GNA14: variants seen among roughly 807,000 people sequenced by gnomAD.
GNA14 encodes G protein subunit alpha 14.
In GNA14, 50 loss-of-function variants were observed where a neutral mutation model predicts 42.0. That is an observed-to-expected ratio of 1.19 (90% CI 0.95 to 1.51). The LOEUF (loss-of-function observed/expected upper bound fraction) is 1.51. Among genes scored for constraint, GNA14 ranks in the 40% most tolerant of loss-of-function variants. The probability of loss-of-function intolerance (pLI) is 0.00; values close to 1 mark genes in which losing one functional copy is unlikely to be tolerated. For synonymous variants in GNA14, 173 were observed against 163.1 expected (o/e 1.06, Z -0.46); for missense variants, 473 against 446.2 (o/e 1.06, Z -0.54).
At chr9:77,622,852 C>T (rs1000696944) in intron 1 of GNA14, among the ~76,000 whole-genome samples, 9 of 149,562 alleles carry the variant, frequency 6.0e-5, no homozygotes, top group African/African-American at 2.2e-4. Flanking sequence ...TGAGATAGAA[C>T]CACTACACTC....
chr9:77,618,948 T>A (rs1823878633), intron 1 of GNA14, among the ~76,000 whole-genome samples: 1 of 151,830 alleles, frequency 6.6e-6, no homozygotes, highest in South Asian at 2.1e-4. Context: ...TATATTTAAA[T>A]AATATACTTA....
chr9:77,591,130 A>G (rs1416582452), intron 1 of GNA14, among the ~76,000 whole-genome samples: 1 of 152,192 alleles, frequency 6.6e-6, no homozygotes, highest in Non-Finnish European at 1.5e-5. Context: ...GAAATACTGC[A>G]TTTTCAGGAC....
chr9:77,479,862 G>T (rs2131727738), intron 2 of GNA14, among the ~76,000 whole-genome samples: 1 of 152,038 alleles, frequency 6.6e-6, no homozygotes, highest in East Asian at 1.9e-4. Flanking sequence ...GTCTGTTATT[G>T]GTGTATAAGA....
At chr9:77,561,205 G>C (rs1822877566) in intron 1 of GNA14, among the ~76,000 whole-genome samples, 1 of 152,146 alleles carries the variant, frequency 6.6e-6, no homozygotes, top group Non-Finnish European at 1.5e-5. Flanking sequence ...CCCCTACAAG[G>C]CTGAACCAGG....
chr9:77,426,452 A>C (rs950067151), intron 5 of GNA14, among the ~76,000 whole-genome samples: 1 of 152,086 alleles, frequency 6.6e-6, no homozygotes, highest in Non-Finnish European at 1.5e-5. Flanking sequence ...CCACAGGTGC[A>C]TACCACCACA....
chr9:77,443,165 C>T (rs2131698098), intron 2 of GNA14, among the ~76,000 whole-genome samples: 1 of 152,248 alleles, frequency 6.6e-6, no homozygotes, highest in South Asian at 2.1e-4. Context: ...AAAATATAGA[C>T]AATTCAAACA....
At chr9:77,433,221 T>A (rs1835586752) in intron 3 of GNA14, among the ~76,000 whole-genome samples, 1 of 152,082 alleles carries the variant, frequency 6.6e-6, no homozygotes, top group Non-Finnish European at 1.5e-5. Flanking sequence ...GGGGAAGGGA[T>A]TTCTGAGCCC....
At chr9:77,475,564 T>C (rs1405680518) in intron 2 of GNA14, among the ~76,000 whole-genome samples, 2 of 152,084 alleles carry the variant, frequency 1.3e-5, no homozygotes, top group Non-Finnish European at 2.9e-5. Flanking sequence ...AGGCAGTAAG[T>C]GGTCTGGCTC....
At position 77,586,892 on chromosome 9, in the gene GNA14, T is replaced by A. The variant is rs183349137; in HGVS notation, c.125-57639A>T. Among the ~76,000 whole-genome samples, 356 of 152,088 alleles carry A rather than the reference T, an allele frequency of 2.3e-3. 2 individuals are homozygous for A. Among genetic ancestry groups the A allele is most frequent in the African/African-American group, 8.1e-3 (338 of 41,482 alleles). On this transcript the variant is annotated intron_variant, in intron 1 of 6. Coordinates refer to ENST00000341700, the MANE Select transcript of GNA14 (RefSeq NM_004297.4). ...ACGCCTGGTCCCCCAGGTAGCACTT[T>A]CCTATTGGCACAGCTGCAGGCATTC...
rs184604270 is a variant in GNA14, at chr9:77,565,340, T to C, written c.125-36087A>G. The stretch of plus-strand genomic sequence containing the variant: ...AAACTTAATACTAGGGGGAAAATAA[T>C]GTAAAATGCCTTATTAATAATGTTT... On this transcript the variant is annotated intron_variant, in intron 1 of 6. Coordinates refer to ENST00000341700, the MANE Select transcript of GNA14 (RefSeq NM_004297.4). Among the ~76,000 whole-genome samples the C allele has an allele frequency of 8.2e-3, 1,245 of 152,320 alleles. 8 individuals are homozygous for C. Among genetic ancestry groups the C allele is most frequent in the Non-Finnish European group, 0.014 (931 of 68,024 alleles).
chr9:77,603,956 C>CAAAAAAAAAAAAA lies in GNA14; in HGVS notation c.124+43701_124+43713dup, dbSNP rs67044542. Reference sequence around the variant, plus strand: ...AAGACTCCATCTCAAAAAAAAAAAACAAAAAAAAAAAAAAAAAAAAAAAAA... The same window carrying CAAAAAAAAAAAAA: ...AAGACTCCATCTCAAAAAAAAAAAACAAAAAAAAAAAAAAAAAAAAAAAAAAAAAAAAAAAAAA... On this transcript the variant is annotated intron_variant, in intron 1 of 6. Transcript: ENST00000341700. Among the ~76,000 whole-genome samples the CAAAAAAAAAAAAA allele has an allele frequency of 7.9e-3, 648 of 81,630 alleles. 2 individuals carry two copies. The highest frequency in any genetic ancestry group is 0.017 in the Middle Eastern group (1 of 60). The allele number at this position is 81,630 out of a possible 152,430, so 53.6% of individuals were successfully genotyped here. A position where few individuals can be genotyped will look rare whatever the true frequency, so the allele number is the denominator to read the frequency against.
intron 1 of GNA14, among the ~76,000 whole-genome samples, chr9:77,623,463 A>C (rs941249224): frequency 1.3e-5 from 2 of 152,068 alleles, no homozygotes; most frequent in Non-Finnish European, 2.9e-5. Flanking sequence ...TATTAATAAT[A>C]CTCTCACAGT....
At chr9:77,472,364 G>A (rs530801830) in intron 2 of GNA14, among the ~76,000 whole-genome samples, 4 of 152,178 alleles carry the variant, frequency 2.6e-5, no homozygotes, top group African/African-American at 9.6e-5. Context: ...ATGATATGAT[G>A]GAAAACTGCA....
At chr9:77,596,328 T>C (rs1373041776) in intron 1 of GNA14, among the ~76,000 whole-genome samples, 2 of 152,182 alleles carry the variant, frequency 1.3e-5, no homozygotes, top group Non-Finnish European at 2.9e-5. Flanking sequence ...ATGACAGTGT[T>C]TTACAGTGAT....
chr9:77,573,642 G>A (rs1375596232), intron 1 of GNA14, among the ~76,000 whole-genome samples: 2 of 152,078 alleles, frequency 1.3e-5, no homozygotes, highest in Non-Finnish European at 2.9e-5. Flanking sequence ...ATACACTGAG[G>A]GGAAATCTTG....
chr9:77,480,141 G>A (rs1450630339), intron 2 of GNA14, among the ~76,000 whole-genome samples: 1 of 152,040 alleles, frequency 6.6e-6, no homozygotes, highest in South Asian at 2.1e-4. Flanking sequence ...TTTTCAAAGG[G>A]AATGCTTCCA....
Position 77,496,348 on chromosome 9 carries a change from A to G in GNA14, c.309+32721T>C, listed in dbSNP as rs906833139. ...GCCAAGTTTTCACAGGACATAAAAT[A>G]GGAATTCTTTAACTCCTTGTTACTA... On this transcript the variant is annotated intron_variant, in intron 2 of 6. Transcript: ENST00000341700. 2.1e-4 allele frequency among the ~76,000 whole-genome samples: 32 copies of G among 152,246 alleles called. 1 individual carries two copies. The highest frequency in any genetic ancestry group is 7.7e-4 in the African/African-American group (32 of 41,470).
intron 1 of GNA14, among the ~76,000 whole-genome samples, chr9:77,636,328 A>G (rs1241505764): frequency 2.0e-5 from 3 of 152,220 alleles, no homozygotes; most frequent in Non-Finnish European, 4.4e-5. Flanking sequence ...ACAATAAAAC[A>G]TACATTTTAC....
intron 5 of GNA14, among the ~76,000 whole-genome samples, chr9:77,428,224 G>T (rs998193398): frequency 2.0e-4 from 31 of 151,776 alleles, no homozygotes; most frequent in African/African-American, 7.2e-4. Flanking sequence ...GACTACAGGC[G>T]CCCACCACCA....
Sources: gnomAD v4.1 joint callset for allele counts (sites outside exome capture counted in the v4.1 genomes callset) on GRCh38, gnomAD v4.1.1 for gene constraint, MANE v1.5 for transcripts, NCBI Gene and HGNC (gene_info 2026-07-23, HGNC 2026-07-21) for gene names.